The following SLC25A21 variants were observed in gnomAD, a reference collection of about 807,000 sequenced individuals.
SLC25A21 encodes mitochondrial 2-oxodicarboxylate carrier.
Under a neutral mutation model 43.8 loss-of-function variants are expected in SLC25A21, and 47 were observed. The observed-to-expected ratio is 1.07, with a 90% confidence interval of 0.85 to 1.37. The LOEUF is 1.37. Among genes scored for constraint, SLC25A21 ranks in the 40% most tolerant of loss-of-function variants. The pLI is 0.00. For synonymous variants in SLC25A21, 131 were observed against 121.3 expected (o/e 1.08, Z -0.52); for missense variants, 352 against 350.2 (o/e 1.00, Z -0.04).
intron 1 of SLC25A21, among the ~76,000 whole-genome samples, chr14:37,011,992 A>T (rs916795731): frequency 2.6e-5 from 4 of 152,086 alleles, no homozygotes; most frequent in Admixed American, 2.0e-4. Flanking sequence ...TCTTCTCAAG[A>T]GTTACAATAT....
intron 6 of SLC25A21, among the ~76,000 whole-genome samples, chr14:36,723,635 T>C (rs553556740): frequency 6.6e-6 from 1 of 152,332 alleles, no homozygotes; most frequent in East Asian, 1.9e-4. Context: ...CATTCTTTTG[T>C]TGGGCAGGAA....
chr14:36,774,497 T>C (rs1387123250), intron 3 of SLC25A21, among the ~76,000 whole-genome samples: 1 of 152,208 alleles, frequency 6.6e-6, no homozygotes, highest in Non-Finnish European at 1.5e-5. Context: ...ATTTTGATAA[T>C]ATATTCTGGA....
chr14:36,871,793 A>C (rs1890380194), intron 2 of SLC25A21, among the ~76,000 whole-genome samples: 1 of 151,372 alleles, frequency 6.6e-6, no homozygotes, highest in African/African-American at 2.4e-5. Flanking sequence ...CTTACTTCAC[A>C]ATTTTTTTTA....
At chr14:36,991,130 A>G (rs1960253948) in intron 1 of SLC25A21, among the ~76,000 whole-genome samples, 2 of 152,174 alleles carry the variant, frequency 1.3e-5, no homozygotes, top group Non-Finnish European at 2.9e-5. Context: ...TTTTAGTCAT[A>G]AGCACCAAAA....
chr14:37,063,653 A>G (rs1961999289), intron 1 of SLC25A21, among the ~76,000 whole-genome samples: 1 of 152,104 alleles, frequency 6.6e-6, no homozygotes, highest in Non-Finnish European at 1.5e-5. Context: ...ACTGGCACTT[A>G]CTGGAAAGGG....
intron 1 of SLC25A21, among the ~76,000 whole-genome samples, chr14:37,055,252 T>C (rs1386539990): frequency 2.0e-5 from 3 of 152,210 alleles, no homozygotes; most frequent in Non-Finnish European, 2.9e-5. Context: ...ATTGATTTAA[T>C]TAATGACTAT....
At chr14:36,924,315 G>A (rs1162878274) in intron 1 of SLC25A21, among the ~76,000 whole-genome samples, 1 of 152,158 alleles carries the variant, frequency 6.6e-6, no homozygotes, top group Non-Finnish European at 1.5e-5. Context: ...AGAAAATGTG[G>A]CACATATACA....
At chr14:37,012,382 T>C (rs1960752568) in intron 1 of SLC25A21, among the ~76,000 whole-genome samples, 1 of 152,172 alleles carries the variant, frequency 6.6e-6, no homozygotes, top group Non-Finnish European at 1.5e-5. Context: ...ATTAACCCAC[T>C]ATAAGAAAAA....
chr14:37,015,939 T>G (rs1167803529), intron 1 of SLC25A21, among the ~76,000 whole-genome samples: 17 of 151,754 alleles, frequency 1.1e-4, no homozygotes, highest in African/African-American at 3.9e-4. Context: ...ATTCTGGATA[T>G]TAGCCCTTTG....
intron 2 of SLC25A21, among the ~76,000 whole-genome samples, chr14:36,862,686 C>T (rs1367454388): frequency 2.6e-5 from 4 of 152,068 alleles, no homozygotes; most frequent in African/African-American, 9.7e-5. Context: ...TGCAGCAAAC[C>T]ACCATGGCAT....
At chr14:37,093,119 G>A (rs1962620762) in intron 1 of SLC25A21, among the ~76,000 whole-genome samples, 1 of 152,118 alleles carries the variant, frequency 6.6e-6, no homozygotes, top group South Asian at 2.1e-4. Context: ...ACATTAACCA[G>A]AGCAAGATTA....
intron 1 of SLC25A21, among the ~76,000 whole-genome samples, chr14:37,037,613 G>A (rs58496598): frequency 0.067 from 10,159 of 151,830 alleles, 724 homozygotes; most frequent in African/African-American, 0.18. Flanking sequence ...AACTTCAGTG[G>A]TGAATTTGAT....
chr14:37,060,697 T>C (rs1323270445), intron 1 of SLC25A21, among the ~76,000 whole-genome samples: 2 of 152,100 alleles, frequency 1.3e-5, no homozygotes, highest in African/African-American at 2.4e-5. Context: ...TGCCCATCTT[T>C]GCAACCTCGG....
chr14:37,078,241 C>A (rs1195485470), intron 1 of SLC25A21, among the ~76,000 whole-genome samples: 1 of 151,982 alleles, frequency 6.6e-6, no homozygotes, highest in Non-Finnish European at 1.5e-5. Flanking sequence ...GAGAAAATGG[C>A]CTTTAAGGCA....
In SLC25A21 at chr14:36,678,381, T is replaced by C. The variant is rs756591590; in HGVS notation, c.*2277A>G. 24 of 1,021,254 alleles carry C rather than the reference T, an allele frequency of 2.4e-5. No individual in the cohort carries two copies. Among genetic ancestry groups the C allele is most frequent in the Non-Finnish European group, 3.1e-5 (21 of 680,372 alleles). 63.3% of individuals were successfully genotyped at this position (1,021,254 alleles called of 1,614,324 possible). ...GAAATTCAGTGCTACAAATAGAGGA[T>C]TATAACTTCAGGAGAAGAATAAGCA... On this transcript the variant is annotated 3_prime_UTR_variant, in exon 10 of 10. Coordinates refer to ENST00000331299, the MANE Select transcript of SLC25A21 (RefSeq NM_030631.4).
chr14:37,168,540 G>A (rs369688202), intron 1 of SLC25A21, among the ~76,000 whole-genome samples: 32 of 143,950 alleles, frequency 2.2e-4, no homozygotes, highest in African/African-American at 7.0e-4. Flanking sequence ...CACCTCACCC[G>A]CCCCACCAAT....
intron 3 of SLC25A21, among the ~76,000 whole-genome samples, chr14:36,741,218 A>G (rs1566561025): frequency 6.6e-6 from 1 of 152,174 alleles, no homozygotes; most frequent in Non-Finnish European, 1.5e-5. Context: ...TCCTCTTTCA[A>G]GCAGGCTGGG....
chr14:37,166,943 A>T (rs1042207208), intron 1 of SLC25A21, among the ~76,000 whole-genome samples: 2 of 152,224 alleles, frequency 1.3e-5, no homozygotes, highest in Non-Finnish European at 2.9e-5. Flanking sequence ...TCTTTCAGTT[A>T]AGAAAACCTG....
At chr14:36,922,863 C>G (rs542751187) in intron 1 of SLC25A21, among the ~76,000 whole-genome samples, 2 of 152,188 alleles carry the variant, frequency 1.3e-5, no homozygotes, top group East Asian at 3.9e-4. Flanking sequence ...GCCTGCAAAA[C>G]AAACTAAAAA....
Sources: allele counts gnomAD v4.1 joint callset (sites outside exome capture counted in the v4.1 genomes callset), GRCh38; gene constraint gnomAD v4.1.1; transcripts MANE v1.5; gene names NCBI Gene and HGNC (gene_info 2026-07-23, HGNC 2026-07-21).